Variants in RNF121 observed in about 807,000 individuals in gnomAD.
RNF121 encodes ring finger protein 121, also known as E3 ubiquitin ligase RNF121.
Under a neutral mutation model 46.5 loss-of-function variants are expected in RNF121, and 21 were observed. The observed-to-expected ratio is 0.45, with a 90% confidence interval of 0.32 to 0.65. The LOEUF is 0.65. Among genes scored for constraint, RNF121 ranks in the 30% least tolerant of loss-of-function variants. The pLI, the probability that RNF121 is intolerant of heterozygous loss-of-function variation, is 0.04. For synonymous variants in RNF121, 139 were observed against 144.7 expected (o/e 0.96, Z 0.28); for missense variants, 346 against 416.0 (o/e 0.83, Z 1.46).
At chr11:71,975,741 A>G (rs546853050) in intron 3 of RNF121, among the ~76,000 whole-genome samples, 80 of 152,338 alleles carry the variant, frequency 5.3e-4, no homozygotes, top group Middle Eastern at 3.4e-3. Context: ...AGTGGAAAAG[A>G]TGGGAAAGAA....
intron 3 of RNF121, among the ~76,000 whole-genome samples, chr11:71,967,157 C>G (rs1431469814): frequency 2.7e-5 from 4 of 150,688 alleles, no homozygotes; most frequent in African/African-American, 9.7e-5. Flanking sequence ...AGGCGTGAGC[C>G]ACCGCGCCCG....
At chr11:71,975,782 A>G (rs908806182) in intron 3 of RNF121, among the ~76,000 whole-genome samples, 6 of 152,256 alleles carry the variant, frequency 3.9e-5, no homozygotes, top group African/African-American at 1.4e-4. Context: ...AAGAGTAGTC[A>G]TAAGAAACAT....
Position 71,990,694 on chromosome 11 carries a change from G to C in RNF121, c.604G>C (p.Asp202His). The C allele has an allele frequency of 6.2e-7, 1 of 1,614,202 alleles. No homozygotes were observed. Among genetic ancestry groups the C allele is most frequent in the Non-Finnish European group, 8.5e-7 (1 of 1,180,030 alleles). ...LERDFAEMCA[D>H]YMASTIGFYS... The stretch of plus-strand genomic sequence containing the variant: ...ACGGGACTTTGCAGAAATGTGTGCA[G>C]ACTACATGGCATCTACCATAGGGGT... Residue 202 changes from aspartate (D) to histidine (H), a missense_variant, in exon 6 of 9, where the codon GAC (aspartate) becomes CAC (histidine). Physicochemically the swap from Asp to His is moderately conservative, Grantham distance 81 (BLOSUM62 -1). Transcript: ENST00000361756.
At chr11:71,929,175 G>A in intron 1 of RNF121, 51 bp downstream of exon 1, 4 of 1,532,932 alleles carry the variant, frequency 2.6e-6, no homozygotes, top group Non-Finnish European at 3.5e-6. Flanking sequence ...CTGAGGGGAG[G>A]GGCAGTGAGG....
chr11:71,995,647 T>A (rs904152872), intron 8 of RNF121, 96 bp downstream of exon 8: 2 of 904,530 alleles, frequency 2.2e-6, no homozygotes, highest in African/African-American at 3.3e-5. Context: ...CCCTCACTTC[T>A]GCCCCCAACC....
chr11:71,948,211 A>C lies in RNF121; in HGVS notation c.64-9016A>C, dbSNP rs544864863. 4.6e-5 allele frequency among the ~76,000 whole-genome samples: 7 copies of C among 152,230 alleles called. No homozygotes were observed. The South Asian group carries it at 1.5e-3, about 32-fold the overall frequency. On this transcript the variant is annotated intron_variant, in intron 1 of 8. Coordinates refer to ENST00000361756, the MANE Select transcript of RNF121 (RefSeq NM_018320.5). ...AAACTTAGTTGCTCCCAAATTTGAA[A>C]AGTTTAATTTAAAAAGGTTTTTGGC...
At position 71,959,141 on chromosome 11, in the gene RNF121, G is replaced by A. The variant is rs146336959; in HGVS notation, c.102-1609G>A. ...ATAGGTGGGTCTGAATCTAAGTTTC[G>A]AACTCCCAATCCTATTCTCTTTCTG... On this transcript the variant is annotated intron_variant, in intron 2 of 8. Transcript: ENST00000361756. Among the ~76,000 whole-genome samples, 7 of 152,230 alleles carry A rather than the reference G, an allele frequency of 4.6e-5. 1 individual carries two copies. The South Asian group carries it at 1.0e-3, about 23-fold the overall frequency.
At chr11:71,987,973 A>G (rs1383560065) in intron 5 of RNF121, among the ~76,000 whole-genome samples, 2 of 152,192 alleles carry the variant, frequency 1.3e-5, no homozygotes, top group African/African-American at 2.4e-5. Context: ...TGTACTAATC[A>G]CAGGTCATAA....
At chr11:71,967,133 A>G (rs868384315) in intron 3 of RNF121, among the ~76,000 whole-genome samples, 2 of 147,836 alleles carry the variant, frequency 1.4e-5, no homozygotes, top group African/African-American at 5.0e-5. Context: ...GGCCTCCCAA[A>G]GTGCTGGGAT....
At chr11:71,973,941 T>G (rs1295934887) in intron 3 of RNF121, among the ~76,000 whole-genome samples, 1 of 152,134 alleles carries the variant, frequency 6.6e-6, no homozygotes, top group Non-Finnish European at 1.5e-5. Context: ...TTTTTTTGTT[T>G]GTTTGTTTGT....
intron 1 of RNF121, among the ~76,000 whole-genome samples, chr11:71,942,785 T>TATATATATATAGATATAGATATATAG: frequency 2.1e-4 from 2 of 9,372 alleles, no homozygotes; most frequent in East Asian, 1.7e-3. Flanking sequence ...TATATATATA[T>TATATATATATAGATATAGATATATAG]ATATAGATAT....
intron 3 of RNF121, chr11:71,962,331 C>G (rs1412125249): frequency 2.1e-6 from 2 of 967,040 alleles, no homozygotes; most frequent in Non-Finnish European, 2.5e-6. Flanking sequence ...TCAATAAGAA[C>G]TTTTTCCTTA....
chr11:71,935,534 T>C (rs1384709500), intron 1 of RNF121, among the ~76,000 whole-genome samples: 1 of 152,216 alleles, frequency 6.6e-6, no homozygotes, highest in Non-Finnish European at 1.5e-5. Flanking sequence ...ATGGTATTTG[T>C]CTTTTCCACC....
intron 1 of RNF121, among the ~76,000 whole-genome samples, chr11:71,929,827 CAAG>C (rs1275037669): frequency 6.6e-6 from 1 of 152,274 alleles, no homozygotes; most frequent in East Asian, 1.9e-4. Context: ...GGGAGACAGA[CAAG>C]AAGACTAGTC....
At chr11:71,990,550 G>A (rs1436437658) in intron 5 of RNF121, 47 bp from the exon 6 acceptor site, 2 of 1,604,224 alleles carry the variant, frequency 1.2e-6, no homozygotes, top group Admixed American at 1.7e-5. Context: ...ATCCATAGAA[G>A]ATATGTCTCA....
chr11:71,983,792 T>G (rs962068024), intron 4 of RNF121: 1 of 152,248 alleles, frequency 6.6e-6, no homozygotes, highest in African/African-American at 2.4e-5. Context: ...GACAGAGGTT[T>G]GTGTAGGTCC....
At chr11:71,992,812 A>G (rs1043210892) in intron 6 of RNF121, among the ~76,000 whole-genome samples, 1 of 122,416 alleles carries the variant, frequency 8.2e-6, no homozygotes, top group African/African-American at 3.1e-5. Context: ...AGCCAATCTG[A>G]GAAACGCAAG....
intron 5 of RNF121, among the ~76,000 whole-genome samples, chr11:71,988,813 C>A (rs1954815314): frequency 6.6e-6 from 1 of 151,858 alleles, no homozygotes; most frequent in Admixed American, 6.6e-5. Flanking sequence ...CAAAGGGAGA[C>A]CCCCATCTCG....
chr11:71,978,690 T>G (rs2134200508), intron 3 of RNF121, among the ~76,000 whole-genome samples: 1 of 152,366 alleles, frequency 6.6e-6, no homozygotes, highest in East Asian at 1.9e-4. Context: ...TGCTTGTATT[T>G]ACTACACTGC....
Sources: allele counts gnomAD v4.1 joint callset (sites outside exome capture counted in the v4.1 genomes callset), GRCh38; gene constraint gnomAD v4.1.1; transcripts MANE v1.5; gene names NCBI Gene and HGNC (gene_info 2026-07-23, HGNC 2026-07-21).